Variants in FOXP2 observed in about 807,000 individuals in gnomAD.
FOXP2 encodes the protein forkhead box protein P2.
FOXP2 carries 12 observed loss-of-function variants against 115.8 expected under a neutral mutation model. The ratio of observed to expected loss-of-function variants is 0.10; its 90% CI spans 0.07 to 0.17. The LOEUF is 0.17. Among genes scored for constraint, FOXP2 ranks in the 10% least tolerant of loss-of-function variants. The pLI, the probability that FOXP2 is intolerant of heterozygous loss-of-function variation, is 1.00. For synonymous variants in FOXP2, 328 were observed against 297.7 expected (o/e 1.10, Z -1.05); for missense variants, 629 against 843.5 (o/e 0.75, Z 3.15).
chr7:114,668,132 C>G (rs970873843), intron 16 of FOXP2: 2 of 152,038 alleles, frequency 1.3e-5, no homozygotes, highest in African/African-American at 4.8e-5. Context: ...ACCTAAATAT[C>G]ATTAGATTCA....
chr7:114,425,517 C>A (rs972469677), intron 1 of FOXP2, among the ~76,000 whole-genome samples: 1 of 151,536 alleles, frequency 6.6e-6, no homozygotes, highest in Admixed American at 6.6e-5. Context: ...TTCCACTGAT[C>A]TTGGCAGGAC....
At chr7:114,559,258 G>A (rs545324494) in intron 3 of FOXP2, among the ~76,000 whole-genome samples, 1 of 152,210 alleles carries the variant, frequency 6.6e-6, no homozygotes, top group African/African-American at 2.4e-5. Context: ...TACTTGATTA[G>A]CATTCCTGCA....
intron 3 of FOXP2, among the ~76,000 whole-genome samples, chr7:114,572,257 A>G (rs147434887): frequency 6.6e-6 from 1 of 151,692 alleles, no homozygotes; most frequent in Non-Finnish European, 1.5e-5. Context: ...AAAAAAAAGA[A>G]ATAATGAATG....
At chr7:114,353,147 G>A (rs1342460688) in intron 2 of FOXP2, among the ~76,000 whole-genome samples, 2 of 151,914 alleles carry the variant, frequency 1.3e-5, no homozygotes, top group Admixed American at 6.6e-5. Flanking sequence ...TCCTATCATG[G>A]CATGACAGAT....
Position 114,583,275 on chromosome 7 carries a change from TG to T in FOXP2, c.259-45263del, listed in dbSNP as rs531514531. Among the ~76,000 whole-genome samples the T allele has an allele frequency of 1.5e-3, 224 of 151,904 alleles. 1 individual carries two copies. Among genetic ancestry groups the T allele is most frequent in the African/African-American group, 5.0e-3 (208 of 41,406 alleles). On this transcript the variant is annotated intron_variant, in intron 3 of 16. Coordinates refer to ENST00000350908, the MANE Select transcript of FOXP2 (RefSeq NM_014491.4). Reference sequence around the variant, plus strand: ...ACACCTGTAATCCCAGCTACTTGGGTGGCCGAGGCAGGAGAATCCCTTTAAC... The same window carrying T: ...ACACCTGTAATCCCAGCTACTTGGGTGCCGAGGCAGGAGAATCCCTTTAAC...
chr7:114,595,563 A>G (rs1215279813), intron 3 of FOXP2, among the ~76,000 whole-genome samples: 1 of 152,090 alleles, frequency 6.6e-6, no homozygotes, highest in Non-Finnish European at 1.5e-5. Flanking sequence ...TGTAAACAGT[A>G]TAGATACTAA....
intron 1 of FOXP2, among the ~76,000 whole-genome samples, chr7:114,197,953 C>T (rs1007070752): frequency 6.6e-6 from 1 of 151,748 alleles, no homozygotes; most frequent in Non-Finnish European, 1.5e-5. Context: ...CAACCTCTGC[C>T]TCTTGGTTTC....
At chr7:114,191,398 C>T (rs954216238) in intron 1 of FOXP2, among the ~76,000 whole-genome samples, 6 of 152,086 alleles carry the variant, frequency 3.9e-5, no homozygotes, top group Non-Finnish European at 5.9e-5. Flanking sequence ...TTTAACTTTA[C>T]ATATACCTAT....
Position 114,657,765 on chromosome 7 carries a change from G to A in FOXP2, c.1267-301G>A, listed in dbSNP as rs12705969. Reference sequence around the variant, plus strand: ...GACCTGTTTAACAACAGGGGCAGTCGATAATCAGCAACTGGCTTTTATTTA... The same window carrying A: ...GACCTGTTTAACAACAGGGGCAGTCAATAATCAGCAACTGGCTTTTATTTA... On this transcript the variant is annotated intron_variant, in intron 10 of 16. Transcript: ENST00000350908. Among the ~76,000 whole-genome samples, 48,403 of 152,122 alleles carry A rather than the reference G, an allele frequency of 0.32. 9,569 individuals carry two copies. The highest frequency in any genetic ancestry group is 0.45 in the Non-Finnish European group (30,712 of 67,976).
At chr7:114,491,759 G>A (rs1243099815) in intron 2 of FOXP2, among the ~76,000 whole-genome samples, 1 of 152,154 alleles carries the variant, frequency 6.6e-6, no homozygotes, top group African/African-American at 2.4e-5. Flanking sequence ...CAGGGATGAA[G>A]CCCACTTGAT....
chr7:114,165,896 TG>T (rs1308777687), intron 1 of FOXP2, among the ~76,000 whole-genome samples: 1 of 152,176 alleles, frequency 6.6e-6, no homozygotes, highest in Non-Finnish European at 1.5e-5. Flanking sequence ...CAAGATAATA[TG>T]GTATTGTTGA....
chr7:114,565,554 G>A (rs534488043), intron 3 of FOXP2, among the ~76,000 whole-genome samples: 16 of 152,182 alleles, frequency 1.1e-4, no homozygotes, highest in African/African-American at 3.9e-4. Flanking sequence ...ATCATAACAA[G>A]CTTCTCCAAA....
intron 3 of FOXP2, among the ~76,000 whole-genome samples, chr7:114,583,107 G>T (rs1222372294): frequency 3.3e-5 from 5 of 152,174 alleles, no homozygotes; most frequent in Non-Finnish European, 7.3e-5. Context: ...CCCAGGCGTG[G>T]TGGCTCACAC....
chr7:114,489,475 A>T (rs528643920), intron 2 of FOXP2, among the ~76,000 whole-genome samples: 1 of 152,158 alleles, frequency 6.6e-6, no homozygotes, highest in African/African-American at 2.4e-5. Context: ...TAATTACATA[A>T]GTTGTCTCTA....
intron 3 of FOXP2, among the ~76,000 whole-genome samples, chr7:114,600,799 T>C (rs563032095): frequency 2.0e-5 from 3 of 152,202 alleles, no homozygotes; most frequent in Non-Finnish European, 4.4e-5. Flanking sequence ...GTATCTTCTT[T>C]GGTGAGGTGT....
At chr7:114,523,127 T>G (rs1211636051) in intron 2 of FOXP2, among the ~76,000 whole-genome samples, 1 of 152,168 alleles carries the variant, frequency 6.6e-6, no homozygotes, top group African/African-American at 2.4e-5. Flanking sequence ...GCTTTGTGTT[T>G]CACAATTTAC....
intron 2 of FOXP2, among the ~76,000 whole-genome samples, chr7:114,531,867 A>C (rs1799159655): frequency 6.6e-6 from 1 of 151,964 alleles, no homozygotes; most frequent in Non-Finnish European, 1.5e-5. Flanking sequence ...CAAAACTTGT[A>C]ATATATTTAA....
intron 2 of FOXP2, among the ~76,000 whole-genome samples, chr7:114,305,948 G>T (rs1310170466): frequency 2.7e-5 from 2 of 72,756 alleles, no homozygotes; most frequent in African/African-American, 5.9e-5. Context: ...ACTGTCCCTT[G>T]GGCACAAGGG....
chr7:114,602,778 T>G (rs1467206806), intron 3 of FOXP2, among the ~76,000 whole-genome samples: 1 of 152,192 alleles, frequency 6.6e-6, no homozygotes, highest in East Asian at 1.9e-4. Flanking sequence ...TTGCATTTAT[T>G]TTACCTATTT....
Sources: gnomAD v4.1 joint callset for allele counts (sites outside exome capture counted in the v4.1 genomes callset) on GRCh38, gnomAD v4.1.1 for gene constraint, MANE v1.5 for transcripts, NCBI Gene and HGNC (gene_info 2026-07-23, HGNC 2026-07-21) for gene names.